NCR2: variants seen among roughly 807,000 people sequenced by gnomAD.
NCR2 encodes the protein natural cytotoxicity triggering receptor 2, also known as NK cell activating receptor (NKp44).
NCR2 carries 35 observed loss-of-function variants against 30.7 expected under a neutral mutation model. The ratio of observed to expected loss-of-function variants is 1.14; its 90% CI spans 0.87 to 1.51. The LOEUF is 1.51. NCR2 is among the 40% of genes most tolerant of loss of function. The pLI is 0.00. For missense variants in NCR2, 316 were observed against 328.9 expected, an observed-to-expected ratio of 0.96 and a Z score of 0.30; for synonymous variants, 146 against 134.8, an observed-to-expected ratio of 1.08 and a Z score of -0.58.
chr6:41,342,480 C>CCCCTTCT (rs1421049120), intron 4 of NCR2, among the ~76,000 whole-genome samples: 1 of 151,052 alleles, frequency 6.6e-6, no homozygotes, highest in Non-Finnish European at 1.5e-5. Context: ...CCCATTCCAC[C>CCCCTTCT]CCCTTCCTCT....
chr6:41,345,944 TC>T (rs1362347461), intron 4 of NCR2, among the ~76,000 whole-genome samples: 2 of 152,044 alleles, frequency 1.3e-5, no homozygotes, highest in Non-Finnish European at 2.9e-5. Flanking sequence ...GGCGGTTTGT[TC>T]TCCTTTGCCT....
chr6:41,344,082 C>T (rs753282123), intron 4 of NCR2, among the ~76,000 whole-genome samples: 2 of 152,114 alleles, frequency 1.3e-5, no homozygotes, highest in East Asian at 1.9e-4. Flanking sequence ...AGCCACCTAA[C>T]AGGGGGTCCT....
chr6:41,340,240 C>T (rs533865075), intron 2 of NCR2, among the ~76,000 whole-genome samples: 2 of 152,092 alleles, frequency 1.3e-5, no homozygotes, highest in South Asian at 2.1e-4. Context: ...CGGCTCACTG[C>T]AACCTCCACC....
At position 41,336,297 on chromosome 6, in the gene NCR2, A is replaced by T; in HGVS notation, c.263A>T (p.Asp88Val). The change falls in exon 2 of 5, where the codon GAT becomes GTT. Residue 88 changes from aspartate (D) to valine (V), a missense_variant. Asp to Val is a radical substitution (Grantham distance 152, BLOSUM62 -3). Transcript: ENST00000373089. ...CGATTCACAATCTGGGACGACCCTG[A>T]TGCTGGCTTCTTCACTGTCACCATG... The part of the protein sequence containing the change: ...TSRFTIWDDP[D>V]AGFFTVTMTD... The T allele has an allele frequency of 1.2e-6, 2 of 1,614,174 alleles. 1 individual carries two copies. Among genetic ancestry groups the T allele is most frequent in the South Asian group, 2.2e-5 (2 of 91,090 alleles).
rs568860345 is a variant in NCR2 at position 41,350,584 on chromosome 6, C to A, written c.645-94C>A. Reference sequence around the variant, plus strand: ...GAGGTGGGTATGGCAACCAACCCTGCGAGTAGTGGGATGGGGAAGGGGTTG... The same window carrying A: ...GAGGTGGGTATGGCAACCAACCCTGAGAGTAGTGGGATGGGGAAGGGGTTG... On this transcript the variant is annotated intron_variant, in intron 4 of 4. Coordinates refer to ENST00000373089, the MANE Select transcript of NCR2 (RefSeq NM_004828.4). 934 of 1,107,770 alleles carry A rather than the reference C, an allele frequency of 8.4e-4. 7 individuals carry two copies. The Middle Eastern group carries it at 0.01, about 12-fold the overall frequency. 68.6% of individuals were successfully genotyped at this position (1,107,770 alleles called of 1,614,324 possible).
At position 41,335,924 on chromosome 6, in the gene NCR2, C is replaced by G; in HGVS notation, c.48C>G (p.Phe16Leu). 1 of 1,571,130 alleles carries G rather than the reference C, an allele frequency of 6.4e-7. No individual in the cohort carries two copies. The highest frequency in any genetic ancestry group is 8.6e-7 in the Non-Finnish European group (1 of 1,157,660). Residue 16 changes from phenylalanine (F) to leucine (L), a missense_variant, in exon 1 of 5, where the codon TTC (phenylalanine) becomes TTG (leucine). Phe to Leu is a conservative substitution (Grantham distance 22). Coordinates refer to ENST00000373089, the MANE Select transcript of NCR2 (RefSeq NM_004828.4). ...CACTGCTACTGCTGCTGCTGCTGTTCCCAGGTGAGGGGGAGGAGGAGCCCA... is the reference window on the plus strand; with the variant it reads ...CACTGCTACTGCTGCTGCTGCTGTTGCCAGGTGAGGGGGAGGAGGAGCCCA... ...LHPLLLLLLL[F>L]PGSQAQSKAQ...
At chr6:41,341,565 T>G (rs1468366629) in intron 2 of NCR2, among the ~76,000 whole-genome samples, 1 of 152,060 alleles carries the variant, frequency 6.6e-6, no homozygotes, top group African/African-American at 2.4e-5. Context: ...GTGCTCCTCC[T>G]AGACTCAAGG....
intron 2 of NCR2, among the ~76,000 whole-genome samples, chr6:41,337,079 G>A (rs1769051372): frequency 6.6e-6 from 1 of 152,040 alleles, no homozygotes; most frequent in African/African-American, 2.4e-5. Flanking sequence ...ACCCTTTACA[G>A]AAAGTGTGCC....
intron 2 of NCR2, among the ~76,000 whole-genome samples, chr6:41,341,318 C>T (rs564784946): frequency 1.3e-5 from 2 of 152,232 alleles, no homozygotes; most frequent in African/African-American, 4.8e-5. Context: ...AAAGGCATTC[C>T]CTAGGCTGCT....
intron 4 of NCR2, among the ~76,000 whole-genome samples, chr6:41,344,818 A>G (rs1437288432): frequency 2.0e-5 from 3 of 152,236 alleles, no homozygotes; most frequent in Non-Finnish European, 1.5e-5. Flanking sequence ...CCACTTGCTT[A>G]GAAGCCCCAT....
At chr6:41,345,614 C>G (rs553763842) in intron 4 of NCR2, among the ~76,000 whole-genome samples, 8 of 152,094 alleles carry the variant, frequency 5.3e-5, no homozygotes, top group Non-Finnish European at 1.2e-4. Context: ...CCAAGGTCAG[C>G]ACTCAGACTC....
At chr6:41,336,006 G>T in intron 1 of NCR2, 78 bp downstream of exon 1, 1 of 1,586,644 alleles carries the variant, frequency 6.3e-7, no homozygotes. Flanking sequence ...TCAGGGAGCA[G>T]GTGGCTCTGT....
intron 4 of NCR2, among the ~76,000 whole-genome samples, chr6:41,350,166 T>G (rs1227532938): frequency 6.6e-6 from 1 of 152,190 alleles, no homozygotes; most frequent in Admixed American, 6.5e-5. Context: ...GTCTTCTTAT[T>G]GGTAAAAACA....
In NCR2 at chr6:41,341,827, G is replaced by T. The variant is rs142832518; in HGVS notation, c.428G>T (p.Arg143Leu). 4 of 1,612,616 alleles carry T rather than the reference G, an allele frequency of 2.5e-6. No homozygotes were observed. The African/African-American group carries it at 4.0e-5, about 16-fold the overall frequency. The stretch of plus-strand genomic sequence containing the variant: ...TCCACACAGACCTCCTGGACTCCCC[G>T]CGACCTGGTCTCTTCACAGACCCAG... ...SASTQTSWTP[R>L]DLVSSQTQTQ... Residue 143 changes from arginine to leucine, a missense_variant, in exon 3 of 5, where the codon CGC (arginine) becomes CTC (leucine). By Grantham distance (102) the Arg-to-Leu change is moderately radical (BLOSUM62 -2). Coordinates refer to ENST00000373089, the MANE Select transcript of NCR2 (RefSeq NM_004828.4).
rs991032274 is a variant in NCR2 at position 41,335,795 on chromosome 6, C to A, written c.-82C>A. 2 of 1,421,798 alleles carry A rather than the reference C, an allele frequency of 1.4e-6. No homozygotes were observed. The highest frequency in any genetic ancestry group is 1.4e-5 in the African/African-American group (1 of 70,870). The allele number at this position is 1,421,798 out of a possible 1,614,324, so 88.1% of individuals were successfully genotyped here. On this transcript the variant is annotated 5_prime_UTR_variant, in exon 1 of 5. Transcript: ENST00000373089. ...TCTATCAGACGTGCTGGAAGAGCAG[C>A]AGAATCAGGCCCAGCTCCCAATTCC...
chr6:41,348,883 T>C (rs1192038577), intron 4 of NCR2, among the ~76,000 whole-genome samples: 1 of 152,158 alleles, frequency 6.6e-6, no homozygotes, highest in East Asian at 1.9e-4. Flanking sequence ...CCACACCATG[T>C]GCTTCTGACA....
At chr6:41,337,826 T>A (rs1470891240) in intron 2 of NCR2, among the ~76,000 whole-genome samples, 2 of 152,236 alleles carry the variant, frequency 1.3e-5, no homozygotes, top group Non-Finnish European at 2.9e-5. Context: ...AACTTTATCC[T>A]AAAACTTATA....
rs139415365 is a variant in NCR2 at position 41,336,431 on chromosome 6, G to T, written c.394+3G>T. Reference sequence around the variant, plus strand: ...ATTCTATCTGGTGGTATCTCCAGGTGAGCTCTTTCCCTAGGGTCCTCAGAG... The same window carrying T: ...ATTCTATCTGGTGGTATCTCCAGGTTAGCTCTTTCCCTAGGGTCCTCAGAG... On this transcript the variant is annotated splice_donor_region_variant and intron_variant, in intron 2 of 4. Transcript: ENST00000373089. The T allele has an allele frequency of 6.2e-7, 1 of 1,609,220 alleles. No individual in the cohort carries two copies. Among genetic ancestry groups the T allele is most frequent in the Non-Finnish European group, 8.5e-7 (1 of 1,176,406 alleles).
Position 41,336,191 on chromosome 6 carries a change from G to A in NCR2, c.157G>A (p.Gly53Ser), listed in dbSNP as rs1222267810. The change falls in exon 2 of 5, where the codon GGC (glycine) becomes AGC (serine). Residue 53 changes from glycine to serine, a missense_variant. Transcript: ENST00000373089. ...PPTGSLYEKKGWCKEASALVC... is the reference protein window; with the variant it reads ...PPTGSLYEKKSWCKEASALVC... Reference sequence around the variant, plus strand: ...CACGGGCAGTCTCTACGAGAAGAAAGGCTGGTGTAAGGAGGCTTCAGCACT... The same window carrying A: ...CACGGGCAGTCTCTACGAGAAGAAAAGCTGGTGTAAGGAGGCTTCAGCACT... 3.7e-6 allele frequency: 6 copies of A among 1,614,210 alleles called. No homozygotes were observed. In the East Asian group the frequency reaches 8.9e-5, roughly 24 times the overall value.
Sources: allele counts gnomAD v4.1 joint callset (sites outside exome capture counted in the v4.1 genomes callset), GRCh38; gene constraint gnomAD v4.1.1; transcripts MANE v1.5; gene names NCBI Gene and HGNC (gene_info 2026-07-23, HGNC 2026-07-21).